Variants in FMN2 observed in about 807,000 individuals in gnomAD.
FMN2 encodes the protein formin-2.
FMN2 carries 51 observed loss-of-function variants against 142.3 expected under a neutral mutation model. That is an observed-to-expected ratio of 0.36 (90% CI 0.29 to 0.45). The LOEUF (loss-of-function observed/expected upper bound fraction) is 0.45. Among genes scored for constraint, FMN2 ranks in the 20% least tolerant of loss-of-function variants. The pLI is 1.00. For missense variants in FMN2, 1,936 were observed against 2,122.8 expected (o/e 0.91, Z 1.73); for synonymous variants, 882 against 869.8 (o/e 1.01, Z -0.25).
chr1:240,251,932 G>A (rs750185914), intron 6 of FMN2, among the ~76,000 whole-genome samples: 21 of 152,008 alleles, frequency 1.4e-4, no homozygotes, highest in Non-Finnish European at 2.6e-4. Context: ...TTTTTGAGAC[G>A]AAGTCTCACT....
At chr1:240,364,394 G>A (rs772162883) in intron 14 of FMN2, among the ~76,000 whole-genome samples, 12 of 151,962 alleles carry the variant, frequency 7.9e-5, no homozygotes, top group Non-Finnish European at 1.3e-4. Flanking sequence ...AAATGAATAC[G>A]CTTTTGTATT....
chr1:240,278,190 C>A (rs1669281925), intron 7 of FMN2, among the ~76,000 whole-genome samples: 1 of 152,144 alleles, frequency 6.6e-6, no homozygotes, highest in African/African-American at 2.4e-5. Flanking sequence ...GGGCTCCTGG[C>A]CTCACTGCTG....
chr1:240,434,871 G>C (rs1246925022), intron 15 of FMN2, among the ~76,000 whole-genome samples: 1 of 147,802 alleles, frequency 6.8e-6, no homozygotes, highest in Non-Finnish European at 1.5e-5. Context: ...TTTTTTTAAA[G>C]TATTTACACT....
rs1558360986 is a variant in FMN2 at position 240,207,431 on chromosome 1, G to A, written c.2619G>A (p.Leu873=). 5 of 1,613,684 alleles carry A rather than the reference G, an allele frequency of 3.1e-6. No homozygotes were observed. The highest frequency in any genetic ancestry group is 4.2e-6 in the Non-Finnish European group (5 of 1,179,808). The change falls in exon 5 of 18, where the codon CTG becomes CTA. Residue 873 remains leucine (L), a synonymous_variant. Coordinates refer to ENST00000319653, the MANE Select transcript of FMN2 (RefSeq NM_020066.5). ...AGTCCTCCAGCTCCATGCCTGGCCT[G>A]GGCATGGTGCCTCCCCCACCTCCCC... The part of the protein sequence containing the change: ...CTESSSSMPG[L]GMVPPPPPPL...
At chr1:240,268,829 G>A (rs999002479) in intron 7 of FMN2, among the ~76,000 whole-genome samples, 4 of 151,738 alleles carry the variant, frequency 2.6e-5, no homozygotes, top group African/African-American at 9.7e-5. Context: ...TTATCAGTTG[G>A]CCATTTGTAT....
chr1:240,130,325 CAG>C (rs1327858761), intron 2 of FMN2, among the ~76,000 whole-genome samples: 1 of 152,056 alleles, frequency 6.6e-6, no homozygotes, highest in Non-Finnish European at 1.5e-5. Flanking sequence ...TATTTTGAGA[CAG>C]AGTCTCACTC....
chr1:240,462,838 A>G (rs1676490393), intron 16 of FMN2, among the ~76,000 whole-genome samples: 1 of 152,212 alleles, frequency 6.6e-6, no homozygotes, highest in African/African-American at 2.4e-5. Context: ...TTAGAGGATT[A>G]CGTAAATAAG....
chr1:240,363,953 A>G (rs2103058828), intron 14 of FMN2, among the ~76,000 whole-genome samples: 1 of 152,266 alleles, frequency 6.6e-6, no homozygotes, highest in African/African-American at 2.4e-5. Flanking sequence ...CTTTAGGGGA[A>G]AGTGGGGGGT....
chr1:240,308,665 G>T (rs1670497022), intron 8 of FMN2, among the ~76,000 whole-genome samples: 1 of 151,170 alleles, frequency 6.6e-6, no homozygotes, highest in Non-Finnish European at 1.5e-5. Context: ...AGACCTTTCA[G>T]AGTTAAGAGA....
intron 15 of FMN2, among the ~76,000 whole-genome samples, chr1:240,398,979 C>T (rs374595211): frequency 2.4e-4 from 36 of 151,954 alleles, no homozygotes; most frequent in Non-Finnish European, 4.9e-4. Flanking sequence ...TCATGTTTCT[C>T]GCTGTCTCCA....
intron 15 of FMN2, among the ~76,000 whole-genome samples, chr1:240,430,135 C>T (rs879844666): frequency 1.3e-5 from 2 of 152,092 alleles, no homozygotes; most frequent in Admixed American, 1.3e-4. Context: ...ATCCGCCCGC[C>T]TCGGCCTCCC....
At chr1:240,252,516 A>G (rs1239412021) in intron 6 of FMN2, among the ~76,000 whole-genome samples, 1 of 149,818 alleles carries the variant, frequency 6.7e-6, no homozygotes, top group African/African-American at 2.5e-5. Flanking sequence ...TATGGAGGGT[A>G]ACTTTGCTGG....
intron 8 of FMN2, among the ~76,000 whole-genome samples, chr1:240,295,143 C>G (rs1302036488): frequency 6.6e-6 from 1 of 151,580 alleles, no homozygotes; most frequent in African/African-American, 2.4e-5. Flanking sequence ...AATAATAGTA[C>G]TGATGTGGGG....
Position 240,092,944 on chromosome 1 carries a change from C to T in FMN2, c.835C>T (p.Leu279=). Residue 279 remains leucine, a synonymous_variant, in exon 1 of 18, where the codon CTG becomes TTG. Coordinates refer to ENST00000319653, the MANE Select transcript of FMN2 (RefSeq NM_020066.5). Reference sequence around the variant, plus strand: ...GCAGGCGCTGTCCGCGCTCTCCGACCTGCCCGAGAGCCTGGCCGCCGAGCC... The same window carrying T: ...GCAGGCGCTGTCCGCGCTCTCCGACTTGCCCGAGAGCCTGGCCGCCGAGCC... ...TEQALSALSD[L]PESLAAEPRE... is the part of the protein sequence containing the mutation. The T allele has an allele frequency of 6.9e-7, 1 of 1,451,302 alleles. No homozygotes were observed. Among genetic ancestry groups the T allele is most frequent in the Non-Finnish European group, 9.0e-7 (1 of 1,110,058 alleles). 89.9% of individuals were successfully genotyped at this position (1,451,302 alleles called of 1,614,324 possible).
chr1:240,204,644 A>G (rs374803895), intron 4 of FMN2, among the ~76,000 whole-genome samples: 5 of 152,168 alleles, frequency 3.3e-5, no homozygotes, highest in African/African-American at 1.2e-4. Flanking sequence ...CCAGCTACGC[A>G]GGAGGCTGAG....
chr1:240,428,571 C>T (rs1675036647), intron 15 of FMN2, among the ~76,000 whole-genome samples: 1 of 152,144 alleles, frequency 6.6e-6, no homozygotes, highest in Admixed American at 6.6e-5. Flanking sequence ...TTTGACATGA[C>T]CTTCTCTGCT....
intron 7 of FMN2, among the ~76,000 whole-genome samples, chr1:240,292,841 A>G (rs1669841702): frequency 6.6e-6 from 1 of 152,088 alleles, no homozygotes; most frequent in African/African-American, 2.4e-5. Flanking sequence ...ATCTGTCAGT[A>G]TTTAATCTTT....
chr1:240,215,856 G>T (rs530443447), intron 6 of FMN2, among the ~76,000 whole-genome samples: 4 of 151,884 alleles, frequency 2.6e-5, no homozygotes, highest in African/African-American at 9.7e-5. Flanking sequence ...TTACAGGTGC[G>T]GGCCACCGTG....
intron 14 of FMN2, among the ~76,000 whole-genome samples, chr1:240,391,514 A>C (rs1673601976): frequency 6.6e-6 from 1 of 152,162 alleles, no homozygotes; most frequent in Admixed American, 6.5e-5. Context: ...CCCAAAGAGG[A>C]ATGATAATAA....
Sources: allele counts gnomAD v4.1 joint callset (sites outside exome capture counted in the v4.1 genomes callset), GRCh38; gene constraint gnomAD v4.1.1; transcripts MANE v1.5; gene names NCBI Gene and HGNC (gene_info 2026-07-23, HGNC 2026-07-21).